Variants in NKAIN3 observed in about 807,000 individuals in gnomAD.
NKAIN3 encodes sodium/potassium-transporting ATPase subunit beta-1-interacting protein 3.
NKAIN3 carries 25 observed loss-of-function variants against 30.2 expected under a neutral mutation model. The observed-to-expected ratio is 0.83, with a 90% CI of 0.60 to 1.16. The LOEUF (loss-of-function observed/expected upper bound fraction) is 1.16, where lower values mean the gene tolerates loss of function less well. NKAIN3 is among the 50% of genes most tolerant of loss of function. NKAIN3 has a pLI of 0.00. For missense variants in NKAIN3, 225 were observed against 254.1 expected (o/e 0.89, Z 0.78); for synonymous variants, 91 against 89.6 (o/e 1.02, Z -0.09).
At chr8:62,503,394 G>A (rs944649065) in intron 1 of NKAIN3, among the ~76,000 whole-genome samples, 13 of 152,128 alleles carry the variant, frequency 8.5e-5, no homozygotes, top group African/African-American at 3.1e-4. Flanking sequence ...TAGGACCAAG[G>A]CAAAATCAGA....
intron 5 of NKAIN3, among the ~76,000 whole-genome samples, chr8:62,995,389 G>T (rs1385685979): frequency 1.3e-5 from 2 of 152,178 alleles, no homozygotes; most frequent in East Asian, 3.9e-4. Flanking sequence ...AGAAGCAAGA[G>T]AGTAGATGAA....
At chr8:62,484,760 G>A (rs917281819) in intron 1 of NKAIN3, among the ~76,000 whole-genome samples, 6 of 152,130 alleles carry the variant, frequency 3.9e-5, no homozygotes, top group African/African-American at 1.4e-4. Flanking sequence ...GGGGAACCTG[G>A]GTCTTGGGCC....
intron 4 of NKAIN3, among the ~76,000 whole-genome samples, chr8:62,900,426 C>T (rs1329765929): frequency 1.3e-5 from 2 of 152,130 alleles, no homozygotes; most frequent in Non-Finnish European, 2.9e-5. Context: ...GTAAATGCAG[C>T]TTTGGATTGT....
chr8:62,604,589 G>A (rs1811070087), intron 3 of NKAIN3, among the ~76,000 whole-genome samples: 1 of 152,038 alleles, frequency 6.6e-6, no homozygotes, highest in Admixed American at 6.6e-5. Context: ...ATTCTTGTAG[G>A]AGCCACTTTA....
At chr8:62,661,867 A>G (rs186547671) in intron 3 of NKAIN3, among the ~76,000 whole-genome samples, 104 of 152,222 alleles carry the variant, frequency 6.8e-4, no homozygotes, top group African/African-American at 2.3e-3. Flanking sequence ...TAGCCAGGCC[A>G]TGTTCCTGGG....
intron 1 of NKAIN3, among the ~76,000 whole-genome samples, chr8:62,321,823 G>T (rs1034435035): frequency 2.0e-5 from 3 of 152,150 alleles, no homozygotes; most frequent in Admixed American, 6.5e-5. Flanking sequence ...ATCTCCAGCT[G>T]CGTGCTGGGA....
chr8:62,736,006 T>C (rs1364148285), intron 3 of NKAIN3, among the ~76,000 whole-genome samples: 1 of 152,198 alleles, frequency 6.6e-6, no homozygotes, highest in Non-Finnish European at 1.5e-5. Context: ...TCTTCAGGTC[T>C]CTCAGCCATG....
chr8:62,752,963 A>G (rs1816333885), intron 4 of NKAIN3, among the ~76,000 whole-genome samples: 1 of 152,186 alleles, frequency 6.6e-6, no homozygotes, highest in Non-Finnish European at 1.5e-5. Context: ...AGGAAAAGGG[A>G]CAGTCAATCT....
At chr8:62,521,263 G>T (rs1243322757) in intron 1 of NKAIN3, among the ~76,000 whole-genome samples, 2 of 151,994 alleles carry the variant, frequency 1.3e-5, no homozygotes, top group East Asian at 3.9e-4. Flanking sequence ...TGGGTAGAAA[G>T]GCCACACTGC....
At chr8:62,817,550 C>T (rs1316703580) in intron 4 of NKAIN3, among the ~76,000 whole-genome samples, 3 of 152,108 alleles carry the variant, frequency 2.0e-5, no homozygotes, top group Non-Finnish European at 2.9e-5. Context: ...TCAGAGCTCT[C>T]TGCCTCTGAT....
At chr8:62,670,571 TAG>T (rs1002742082) in intron 3 of NKAIN3, among the ~76,000 whole-genome samples, 2 of 151,934 alleles carry the variant, frequency 1.3e-5, no homozygotes, top group Non-Finnish European at 2.9e-5. Context: ...GTTGGTTGGT[TAG>T]AGAGTAGTCT....
chr8:62,811,512 C>A (rs1181274260), intron 4 of NKAIN3, among the ~76,000 whole-genome samples: 1 of 152,058 alleles, frequency 6.6e-6, no homozygotes, highest in African/African-American at 2.4e-5. Flanking sequence ...TCTAGTTTCT[C>A]TGCATCTTTG....
chr8:62,796,789 T>TACACACACAC (rs144656283), intron 4 of NKAIN3, among the ~76,000 whole-genome samples: 19,749 of 146,026 alleles, frequency 0.14, 1,446 homozygotes, highest in East Asian at 0.25. Flanking sequence ...GTATCACACA[T>TACACACACAC]ACACACACAC....
intron 1 of NKAIN3, among the ~76,000 whole-genome samples, chr8:62,577,326 G>A (rs1810142636): frequency 6.6e-6 from 1 of 151,758 alleles, no homozygotes; most frequent in African/African-American, 2.4e-5. Flanking sequence ...CATTACCTGT[G>A]TTTTCTTTAA....
chr8:62,325,442 T>C (rs2129589695), intron 1 of NKAIN3, among the ~76,000 whole-genome samples: 1 of 152,294 alleles, frequency 6.6e-6, no homozygotes, highest in Non-Finnish European at 1.5e-5. Flanking sequence ...GCTATAAACA[T>C]GCATGTCCAT....
intron 1 of NKAIN3, among the ~76,000 whole-genome samples, chr8:62,345,609 GTATATACACACA>G (rs1488111178): frequency 0.01 from 1,403 of 135,846 alleles, 1 homozygote; most frequent in African/African-American, 0.035. Flanking sequence ...ACACATATAT[GTATATACACACA>G]TATATATACA....
At chr8:62,744,812 C>CA (rs1182831208) in intron 3 of NKAIN3, among the ~76,000 whole-genome samples, 7 of 151,788 alleles carry the variant, frequency 4.6e-5, no homozygotes, top group Admixed American at 2.6e-4. Context: ...AACCAACAAC[C>CA]AAAAAAATGA....
chr8:62,470,486 G>A (rs1367147122), intron 1 of NKAIN3, among the ~76,000 whole-genome samples: 1 of 152,064 alleles, frequency 6.6e-6, no homozygotes. Context: ...TTGTGGACAT[G>A]TTGACTTAAT....
At chr8:62,783,281 G>T (rs183623399) in intron 4 of NKAIN3, among the ~76,000 whole-genome samples, 3 of 152,108 alleles carry the variant, frequency 2.0e-5, no homozygotes, top group East Asian at 1.9e-4. Flanking sequence ...CCTTATAAAA[G>T]AGCCCCCAGA....
Sources: gnomAD v4.1 joint callset for allele counts (sites outside exome capture counted in the v4.1 genomes callset) on GRCh38, gnomAD v4.1.1 for gene constraint, MANE v1.5 for transcripts, NCBI Gene and HGNC (gene_info 2026-07-23, HGNC 2026-07-21) for gene names.